Variants in MOSPD2 observed in about 807,000 individuals in gnomAD.
MOSPD2 encodes motile sperm domain containing 2.
MOSPD2 carries 5 observed loss-of-function variants against 41.7 expected under a neutral mutation model. That is an observed-to-expected ratio of 0.12 (90% CI 0.06 to 0.25). MOSPD2 has a LOEUF of 0.25. MOSPD2 is among the 10% of genes least tolerant of loss of function. The pLI is 1.00. For synonymous variants in MOSPD2, 115 were observed against 126.9 expected (o/e 0.91, Z 0.63); for missense variants, 282 against 375.2 (o/e 0.75, Z 2.05).
At chrX:14,898,163 G>T (rs2092566339) in intron 5 of MOSPD2, among the ~76,000 whole-genome samples, 1 of 111,677 alleles carries the variant, frequency 9.0e-6, no homozygotes, top group Non-Finnish European at 1.9e-5. Context: ...GTCATTTAAA[G>T]TAATGAAAAA....
At chrX:14,879,363 A>T (rs1311735619) in intron 2 of MOSPD2, among the ~76,000 whole-genome samples, 4 of 111,362 alleles carry the variant, frequency 3.6e-5, no homozygotes, top group Admixed American at 9.5e-5. Context: ...AGAGGTTAAA[A>T]CTATTTTCAT....
At chrX:14,887,374 T>C (rs1377115753) in intron 2 of MOSPD2, among the ~76,000 whole-genome samples, 9 of 112,075 alleles carry the variant, frequency 8.0e-5, no homozygotes, top group Non-Finnish European at 1.5e-4. Context: ...AAGTCATTTG[T>C]ATAGTGTTTA....
chrX:14,912,179 A>T, intron 9 of MOSPD2, 70 bp from the exon 10 acceptor site: 1 of 617,793 alleles, frequency 1.6e-6, no homozygotes, highest in Non-Finnish European at 2.4e-6. Flanking sequence ...GTATAATAGT[A>T]GGCACTAAAA....
intron 5 of MOSPD2, among the ~76,000 whole-genome samples, chrX:14,898,915 G>A (rs183737330): frequency 1.5e-3 from 167 of 110,388 alleles, no homozygotes; most frequent in Non-Finnish European, 2.8e-3. Context: ...ATTTAAGTGA[G>A]CTTATAAACA....
At chrX:14,914,008 A>T (rs1378304355) in intron 10 of MOSPD2, among the ~76,000 whole-genome samples, 1 of 111,926 alleles carries the variant, frequency 8.9e-6, no homozygotes, top group Admixed American at 9.5e-5. Context: ...CTTCCCTATT[A>T]CTTAGAAAAG....
At chrX:14,883,046 T>G (rs750146766) in intron 2 of MOSPD2, among the ~76,000 whole-genome samples, 30 of 110,357 alleles carry the variant, frequency 2.7e-4, no homozygotes, top group Middle Eastern at 4.7e-3. Context: ...AATACAAAAA[T>G]TAGCCGGTCG....
intron 2 of MOSPD2, among the ~76,000 whole-genome samples, chrX:14,889,543 C>T (rs2092549779): frequency 9.4e-6 from 1 of 106,636 alleles, no homozygotes; most frequent in South Asian, 4.5e-4. Context: ...CCCCTCAACC[C>T]TCTCCTCTGT....
intron 2 of MOSPD2, among the ~76,000 whole-genome samples, chrX:14,876,427 C>T (rs939436236): frequency 1.2e-4 from 14 of 112,151 alleles, no homozygotes; most frequent in African/African-American, 3.6e-4. Flanking sequence ...TCCAGAAATG[C>T]TTTTGGAGTT....
rs1172886610 is a variant in MOSPD2, at chrX:14,920,796, A to G, written c.*987A>G. 1 of 752,149 alleles carries G rather than the reference A, an allele frequency of 1.3e-6. No individual in the cohort carries two copies. Among genetic ancestry groups the G allele is most frequent in the African/African-American group, 2.3e-5 (1 of 43,154 alleles). 62.0% of individuals were successfully genotyped at this position (752,149 alleles called of 1,213,427 possible). On this transcript the variant is annotated 3_prime_UTR_variant, in exon 15 of 15. Transcript: ENST00000380492. ...AGATGCTAAGCAGGATAATAAATTTAGATTTTAAAATGTTCCCTGTAAAAG... is the reference window on the plus strand; with the variant it reads ...AGATGCTAAGCAGGATAATAAATTTGGATTTTAAAATGTTCCCTGTAAAAG...
chrX:14,877,543 T>C (rs1674945219), intron 2 of MOSPD2, among the ~76,000 whole-genome samples: 2 of 109,663 alleles, frequency 1.8e-5, no homozygotes, highest in East Asian at 2.9e-4. Context: ...GGTTTCTCCA[T>C]GTTGGTCAGG....
rs189651431 is a variant in MOSPD2 at position 14,876,876 on chromosome X, A to G, written c.79+3118A>G. On this transcript the variant is annotated intron_variant, in intron 2 of 14. Coordinates refer to ENST00000380492, the MANE Select transcript of MOSPD2 (RefSeq NM_152581.4). ...TCTGTAAAAGTCAAAGAGAGAAATA[A>G]CATCTGGCTGGGGTGACTAGTTTAG... 3.4e-3 allele frequency among the ~76,000 whole-genome samples: 383 copies of G among 112,268 alleles called. 4 individuals are homozygous for G. The highest frequency in any genetic ancestry group is 0.012 in the African/African-American group (375 of 30,878).
intron 10 of MOSPD2, among the ~76,000 whole-genome samples, chrX:14,913,990 C>G (rs930769697): frequency 6.3e-5 from 7 of 111,836 alleles, no homozygotes; most frequent in Admixed American, 9.5e-5. Flanking sequence ...TTTATGTTTA[C>G]TTTTCTCCTT....
chrX:14,909,212 G>A (rs1028353253), intron 8 of MOSPD2, among the ~76,000 whole-genome samples: 1 of 111,785 alleles, frequency 8.9e-6, no homozygotes, highest in African/African-American at 3.2e-5. Flanking sequence ...GTATTCAGAA[G>A]AATAATGAGA....
At position 14,915,421 on chromosome X, in the gene MOSPD2, A is replaced by AT. The variant is rs745827057; in HGVS notation, c.1090-237dup. ...TTTGTTCATTGATTATTCACTGCTA[A>AT]TTTTTTTTTTAGGGAGATATACCTA... On this transcript the variant is annotated intron_variant, in intron 11 of 14. Transcript: ENST00000380492. The AT allele has an allele frequency of 2.2e-3, 256 of 114,702 alleles. 1 individual carries two copies. Among genetic ancestry groups the AT allele is most frequent in the Admixed American group, 4.8e-3 (49 of 10,202 alleles). 9.5% of individuals were successfully genotyped at this position (114,702 alleles called of 1,213,427 possible). A position where few individuals can be genotyped will look rare whatever the true frequency, so the allele number is the denominator to read the frequency against.
chrX:14,915,509 A>G (rs2092598715), intron 11 of MOSPD2, 159 bp from the exon 12 acceptor site: 1 of 187,194 alleles, frequency 5.3e-6, no homozygotes, highest in Admixed American at 7.6e-5. Flanking sequence ...ATATGTAACA[A>G]ACCTGCACGT....
chrX:14,898,228 A>G (rs1274266858), intron 5 of MOSPD2, among the ~76,000 whole-genome samples: 1 of 112,052 alleles, frequency 8.9e-6, no homozygotes, highest in Admixed American at 9.5e-5. Context: ...TGGTATATCT[A>G]GTTAGTTGAT....
chrX:14,875,444 G>A (rs757792937), intron 2 of MOSPD2, among the ~76,000 whole-genome samples: 25 of 111,977 alleles, frequency 2.2e-4, no homozygotes, highest in Admixed American at 1.3e-3. Flanking sequence ...TTTGACCACC[G>A]TTCAAAGTAA....
intron 2 of MOSPD2, among the ~76,000 whole-genome samples, chrX:14,875,858 G>A (rs773135528): frequency 6.3e-5 from 7 of 111,539 alleles, no homozygotes; most frequent in South Asian, 7.4e-4. Context: ...AGCCCTTATC[G>A]TAATCTGTAA....
chrX:14,897,503 G>A (rs2092565091), intron 5 of MOSPD2, among the ~76,000 whole-genome samples: 1 of 111,865 alleles, frequency 8.9e-6, no homozygotes, highest in African/African-American at 3.2e-5. Flanking sequence ...GTAGCATGTC[G>A]AGGCTGGCAA....
Sources: allele counts gnomAD v4.1 joint callset (sites outside exome capture counted in the v4.1 genomes callset), GRCh38; gene constraint gnomAD v4.1.1; transcripts MANE v1.5; gene names NCBI Gene and HGNC (gene_info 2026-07-23, HGNC 2026-07-21).